ACTN1: variants seen among roughly 807,000 people sequenced by gnomAD.
ACTN1 encodes alpha-actinin-1.
In ACTN1, 30 loss-of-function variants were observed where a neutral mutation model predicts 119.6. The ratio of observed to expected loss-of-function variants is 0.25; its 90% CI spans 0.19 to 0.34. The LOEUF (loss-of-function observed/expected upper bound fraction) is 0.34, where lower values mean the gene tolerates loss of function less well. Among genes scored for constraint, ACTN1 ranks in the 10% least tolerant of loss-of-function variants. ACTN1 has a pLI of 1.00. For synonymous variants in ACTN1, 429 were observed against 472.6 expected, an observed-to-expected ratio of 0.91 and a Z score of 1.20; for missense variants, 764 against 1,223.4, an observed-to-expected ratio of 0.62 and a Z score of 5.60.
intron 1 of ACTN1, among the ~76,000 whole-genome samples, chr14:68,965,560 C>A (rs1165465986): frequency 6.6e-6 from 1 of 152,262 alleles, no homozygotes; most frequent in African/African-American, 2.4e-5. Context: ...CCCCCAGACA[C>A]ACCTGGAGCA....
intron 1 of ACTN1, among the ~76,000 whole-genome samples, chr14:68,969,727 G>A (rs529852506): frequency 2.0e-5 from 3 of 152,162 alleles, no homozygotes; most frequent in African/African-American, 4.8e-5. Flanking sequence ...TGGGGGTGTC[G>A]AGACTTGACT....
chr14:68,896,739 T>G (rs1177655383), intron 8 of ACTN1, among the ~76,000 whole-genome samples: 1 of 152,126 alleles, frequency 6.6e-6, no homozygotes, highest in Non-Finnish European at 1.5e-5. Context: ...AGGCTATTCC[T>G]GAAGAGGAGA....
chr14:68,877,221 C>A lies in ACTN1; in HGVS notation c.2447G>T (p.Arg816Leu), dbSNP rs745580045. Residue 816 changes from arginine (R) to leucine (L), a missense_variant, in exon 21 of 22, where the codon CGC becomes CTC. Physicochemically the swap from Arg to Leu is moderately radical, Grantham distance 102. Around this residue, in one of 4 missense-constraint regions of ACTN1, gnomAD observed 544 missense variants for 912.0 expected, o/e 0.60. Transcript: ENST00000394419. ...GYNMGEAEFARIMSIVDPNRL... is the reference protein window; with the variant it reads ...GYNMGEAEFALIMSIVDPNRL... ...GTTGGGGTCCACAATGCTCATGATG[C>A]GGGCAAATTCTGCTTCTCCCTGGAG... 6.2e-7 allele frequency: 1 copy of A among 1,614,110 alleles called. No homozygotes were observed. Among genetic ancestry groups the A allele is most frequent in the South Asian group, 1.1e-5 (1 of 91,086 alleles).
rs576023118 is a variant in ACTN1 at position 68,950,663 on chromosome 14, A to G, written c.106-24991T>C. Among the ~76,000 whole-genome samples the G allele has an allele frequency of 1.7e-3, 259 of 150,884 alleles. 1 individual carries two copies. The highest frequency in any genetic ancestry group is 6.2e-3 in the African/African-American group (254 of 40,834). ...TGCAAGCTCCGCCTCCCTGGTTCAC[A>G]CCATTCTCCTGCCTCAGCCTCCCAA... On this transcript the variant is annotated intron_variant, in intron 1 of 21. Coordinates refer to ENST00000394419, the MANE Select transcript of ACTN1 (RefSeq NM_001130004.2).
intron 3 of ACTN1, among the ~76,000 whole-genome samples, chr14:68,918,454 T>C (rs1018727850): frequency 4.3e-4 from 65 of 151,100 alleles, no homozygotes; most frequent in East Asian, 3.3e-3. Context: ...GGCGTGGTGG[T>C]GGGCGCCTGT....
chr14:68,960,750 A>T (rs1219330414), intron 1 of ACTN1, among the ~76,000 whole-genome samples: 3 of 42,534 alleles, frequency 7.1e-5, no homozygotes, highest in Admixed American at 2.1e-4. Flanking sequence ...ATCTCTATTA[A>T]AAAAAAAAAA....
Position 68,878,677 on chromosome 14 carries a change from G to A in ACTN1, c.2362-154C>T, listed in dbSNP as rs943593325. 8.4e-6 allele frequency: 13 copies of A among 1,541,450 alleles called. No homozygotes were observed. In the African/African-American group the frequency reaches 1.5e-4, roughly 18 times the overall value. ...GGATAGGTAAAGGAACATAGGAGAA[G>A]ATGCGAACACACATCGGTGGAAATG... On this transcript the variant is annotated intron_variant, in intron 19 of 21. Coordinates refer to ENST00000394419, the MANE Select transcript of ACTN1 (RefSeq NM_001130004.2). The surrounding 1 kb of genome is among the most constrained non-coding windows in gnomAD (Gnocchi z 4.4).
intron 8 of ACTN1, among the ~76,000 whole-genome samples, chr14:68,896,152 C>T (rs375660688): frequency 2.0e-5 from 3 of 152,088 alleles, no homozygotes; most frequent in African/African-American, 7.2e-5. Context: ...AGAGACAGCC[C>T]AGCTCCTACA....
At chr14:68,892,910 T>C (rs1183643601) in intron 9 of ACTN1, among the ~76,000 whole-genome samples, 2 of 152,056 alleles carry the variant, frequency 1.3e-5, no homozygotes, top group African/African-American at 4.8e-5. Flanking sequence ...CATGGACTCA[T>C]CTGAATCACC....
chr14:68,885,716 G>T lies in ACTN1; in HGVS notation c.1235-141C>A. On this transcript the variant is annotated intron_variant, in intron 11 of 21. Transcript: ENST00000394419. This position sits in a 1 kb window ranked among gnomAD's most constrained non-coding sequence, Gnocchi z 5.6. ...TGCCCATTGTGCAGGGATCTGCAGG[G>T]TGCAAAAGCAGATGTGCAACTAGAA... is the stretch of plus-strand genomic sequence containing the variant. 1 of 1,000,412 alleles carries T rather than the reference G, an allele frequency of 1.0e-6. No individual in the cohort carries two copies. The allele number at this position is 1,000,412 out of a possible 1,614,324, so 62.0% of individuals were successfully genotyped here.
intron 1 of ACTN1, among the ~76,000 whole-genome samples, chr14:68,970,903 C>T (rs887209005): frequency 3.3e-5 from 5 of 152,208 alleles, no homozygotes; most frequent in African/African-American, 1.2e-4. Context: ...GGTAAAGTCG[C>T]TTAACCTTTC....
intron 10 of ACTN1, among the ~76,000 whole-genome samples, chr14:68,891,804 G>A (rs2032508120): frequency 6.6e-6 from 1 of 152,146 alleles, no homozygotes; most frequent in Non-Finnish European, 1.5e-5. Flanking sequence ...TGGAGTAGAT[G>A]CTCAGGGGTC....
At chr14:68,905,710 G>C (rs1428707964) in intron 6 of ACTN1, among the ~76,000 whole-genome samples, 1 of 152,202 alleles carries the variant, frequency 6.6e-6, no homozygotes, top group Non-Finnish European at 1.5e-5. Context: ...AAAGGACACA[G>C]GCCGGGTGCA....
At chr14:68,949,589 G>A (rs8010912) in intron 1 of ACTN1, among the ~76,000 whole-genome samples, 50,365 of 152,108 alleles carry the variant, frequency 0.33, 10,555 homozygotes, top group African/African-American at 0.6. Flanking sequence ...AAATATAGCA[G>A]TACTACTTTC....
intron 1 of ACTN1, among the ~76,000 whole-genome samples, chr14:68,945,631 G>A (rs1467512012): frequency 6.6e-6 from 1 of 152,202 alleles, no homozygotes. Context: ...CAGTGTAGGA[G>A]AGGGAGAAGC....
chr14:68,882,358 C>T lies in ACTN1; in HGVS notation c.1953+100G>A. 3.3e-6 allele frequency: 5 copies of T among 1,528,720 alleles called. No homozygotes were observed. Among genetic ancestry groups the T allele is most frequent in the Non-Finnish European group, 4.4e-6 (5 of 1,128,214 alleles). The allele number at this position is 1,528,720 out of a possible 1,614,324, so 94.7% of individuals were successfully genotyped here. A position where few individuals can be genotyped will look rare whatever the true frequency, so the allele number is the denominator to read the frequency against. The stretch of plus-strand genomic sequence containing the variant: ...ACGGTGGGCTCCGGGCCTCAGTCCT[C>T]CATGGGTCCCACCCAGGGAGACAGG... On this transcript the variant is annotated intron_variant, in intron 16 of 21. Transcript: ENST00000394419. The surrounding 1 kb of genome is among the most constrained non-coding windows in gnomAD (Gnocchi z 4.5).
In ACTN1 at chr14:68,878,681, C is replaced by G. The variant is rs762451916; in HGVS notation, c.2362-158G>C. 1.9e-6 allele frequency: 3 copies of G among 1,539,904 alleles called. No homozygotes were observed. Among genetic ancestry groups the G allele is most frequent in the African/African-American group, 1.4e-5 (1 of 72,990 alleles). ...AGGTAAAGGAACATAGGAGAAGATG[C>G]GAACACACATCGGTGGAAATGTCCA... On this transcript the variant is annotated intron_variant, in intron 19 of 21. Transcript: ENST00000394419. The surrounding 1 kb of genome is among the most constrained non-coding windows in gnomAD (Gnocchi z 4.4).
intron 8 of ACTN1, among the ~76,000 whole-genome samples, chr14:68,896,346 A>T (rs537339093): frequency 2.3e-3 from 343 of 152,108 alleles, no homozygotes; most frequent in Non-Finnish European, 3.9e-3. Context: ...CCCTTGATGA[A>T]GGCGGCTTCA....
intron 8 of ACTN1, among the ~76,000 whole-genome samples, chr14:68,894,046 G>C (rs930724778): frequency 6.6e-6 from 1 of 152,122 alleles, no homozygotes; most frequent in Non-Finnish European, 1.5e-5. Context: ...TCCAATGACT[G>C]ATATAATCAA....
Sources: gnomAD v4.1 joint callset for allele counts (sites outside exome capture counted in the v4.1 genomes callset) on GRCh38, gnomAD v4.1.1 for gene constraint, gnomAD v4.1.1 regional missense constraint, Gnocchi (gnomAD v3.1) non-coding constraint, MANE v1.5 for transcripts, NCBI Gene and HGNC (gene_info 2026-07-23, HGNC 2026-07-21) for gene names.